Variants in FGD4 observed in about 807,000 individuals in gnomAD.
The protein encoded by FGD4 is FYVE, RhoGEF and PH domain-containing protein 4.
Under a neutral mutation model 102.0 loss-of-function variants are expected in FGD4, and 42 were observed. The ratio of observed to expected loss-of-function variants is 0.41; its 90% CI spans 0.32 to 0.53. FGD4 has a LOEUF of 0.53. FGD4 is among the 20% of genes least tolerant of loss of function. The probability of loss-of-function intolerance (pLI) is 0.21; values close to 1 mark genes in which losing one functional copy is unlikely to be tolerated. For synonymous variants in FGD4, 380 were observed against 375.7 expected (o/e 1.01, Z -0.13); for missense variants, 902 against 1,078.2 (o/e 0.84, Z 2.29).
At position 32,591,248 on chromosome 12, in the gene FGD4, A is replaced by G. The variant is rs573822581; in HGVS notation, c.1012-7249A>G. Among the ~76,000 whole-genome samples, 6 of 152,258 alleles carry G rather than the reference A, an allele frequency of 3.9e-5. No individual in the cohort carries two copies. The East Asian group carries it at 7.7e-4, about 20-fold the overall frequency. On this transcript the variant is annotated intron_variant, in intron 4 of 16. Coordinates refer to ENST00000534526, the MANE Select transcript of FGD4 (RefSeq NM_001370298.3). ...TAAGAAATATTCATTCATGTCCTAT[A>G]AAAACCTGATAATTTACTTAGGTCA...
intron 1 of FGD4, among the ~76,000 whole-genome samples, chr12:32,455,674 T>G (rs1462921594): frequency 6.6e-6 from 1 of 152,134 alleles, no homozygotes; most frequent in Admixed American, 6.6e-5. Flanking sequence ...TAAAGACTTT[T>G]TGTGAAATAG....
chr12:32,451,399 C>T (rs1942771130), intron 1 of FGD4, among the ~76,000 whole-genome samples: 1 of 152,064 alleles, frequency 6.6e-6, no homozygotes, highest in Admixed American at 6.6e-5. Flanking sequence ...TTAAAAGTCC[C>T]ATGTGTCTGC....
chr12:32,524,493 T>C (rs1278107787), intron 1 of FGD4, among the ~76,000 whole-genome samples: 1 of 147,924 alleles, frequency 6.8e-6, no homozygotes, highest in Non-Finnish European at 1.5e-5. Flanking sequence ...ATTTGTGATA[T>C]GAACTCCTTT....
At chr12:32,599,936 C>CCATGTTAGAGT (rs1275630983) in intron 5 of FGD4, among the ~76,000 whole-genome samples, 1 of 152,072 alleles carries the variant, frequency 6.6e-6, no homozygotes, top group Non-Finnish European at 1.5e-5. Flanking sequence ...GGGAAAGCTG[C>CCATGTTAGAGT]CATGTTAGAG....
chr12:32,610,659 C>G (rs955796615), intron 8 of FGD4, 117 bp from the exon 9 acceptor site: 2 of 852,282 alleles, frequency 2.3e-6, no homozygotes, highest in African/African-American at 3.4e-5. Flanking sequence ...ATGGAAAATG[C>G]CACTATTTTT....
At chr12:32,636,221 C>G (rs1488556525) in intron 15 of FGD4, among the ~76,000 whole-genome samples, 1 of 152,088 alleles carries the variant, frequency 6.6e-6, no homozygotes, top group Non-Finnish European at 1.5e-5. Flanking sequence ...GAGTTATCGT[C>G]TGCTAACCAG....
intron 1 of FGD4, among the ~76,000 whole-genome samples, chr12:32,422,544 C>T (rs193014478): frequency 1.3e-5 from 2 of 151,328 alleles, no homozygotes; most frequent in East Asian, 2.0e-4. Flanking sequence ...GTGATCCACC[C>T]GCCTCAGCCT....
intron 1 of FGD4, among the ~76,000 whole-genome samples, chr12:32,438,053 G>C (rs1357803719): frequency 6.6e-6 from 1 of 152,140 alleles, no homozygotes; most frequent in Non-Finnish European, 1.5e-5. Context: ...CATCATGTCC[G>C]GGTAATTTCT....
At chr12:32,602,469 T>C in intron 7 of FGD4, 152 bp downstream of exon 7, 1 of 827,468 alleles carries the variant, frequency 1.2e-6, no homozygotes, top group Non-Finnish European at 2.0e-6. Flanking sequence ...TCTGCAATGC[T>C]GAAATACGTA....
chr12:32,525,559 T>C (rs1941055745), intron 1 of FGD4, among the ~76,000 whole-genome samples: 1 of 152,232 alleles, frequency 6.6e-6, no homozygotes, highest in Admixed American at 6.5e-5. Context: ...CTGCCTGGGC[T>C]CCCACTTTGG....
intron 15 of FGD4, among the ~76,000 whole-genome samples, chr12:32,634,281 G>A (rs1950664989): frequency 6.6e-6 from 1 of 151,908 alleles, no homozygotes; most frequent in East Asian, 1.9e-4. Flanking sequence ...TTCTATAAAG[G>A]AAAGCTTTTA....
intron 4 of FGD4, among the ~76,000 whole-genome samples, chr12:32,596,796 G>A (rs1203360518): frequency 6.6e-6 from 1 of 151,816 alleles, no homozygotes; most frequent in Non-Finnish European, 1.5e-5. Context: ...TTAGCCGGCC[G>A]TCGTGGTGCA....
chr12:32,413,069 T>A (rs923307625), intron 1 of FGD4, among the ~76,000 whole-genome samples: 8 of 151,306 alleles, frequency 5.3e-5, no homozygotes, highest in African/African-American at 1.9e-4. Context: ...AGAGTAAGAC[T>A]CTGTCTCCAA....
chr12:32,576,257 T>G lies in FGD4; in HGVS notation c.320-9T>G. 5 of 1,572,558 alleles carry G rather than the reference T, an allele frequency of 3.2e-6. No homozygotes were observed. The highest frequency in any genetic ancestry group is 4.3e-6 in the Non-Finnish European group (5 of 1,156,884). ...CAGTGAAATACTATATTCTATTCTT[T>G]TTCTACAGTGCCTCCAAAGCCATTA... is the stretch of plus-strand genomic sequence containing the variant. On this transcript the variant is annotated splice_polypyrimidine_tract_variant and intron_variant, in intron 2 of 16. Transcript: ENST00000534526.
chr12:32,412,816 G>A (rs868313335), intron 1 of FGD4, among the ~76,000 whole-genome samples: 50 of 151,456 alleles, frequency 3.3e-4, no homozygotes, highest in African/African-American at 1.2e-3. Context: ...TCTAGACCTC[G>A]TGATCTGCCT....
chr12:32,521,184 C>T (rs1487866976), intron 1 of FGD4, among the ~76,000 whole-genome samples: 3 of 151,746 alleles, frequency 2.0e-5, no homozygotes, highest in Non-Finnish European at 4.4e-5. Context: ...GTCAGGAGAT[C>T]GAGACCATCC....
At chr12:32,435,862 T>C (rs1334798969) in intron 1 of FGD4, among the ~76,000 whole-genome samples, 2 of 152,170 alleles carry the variant, frequency 1.3e-5, no homozygotes, top group African/African-American at 4.8e-5. Context: ...TTGCAGTGAG[T>C]GAGTGCCCAA....
intron 1 of FGD4, among the ~76,000 whole-genome samples, chr12:32,416,227 C>T (rs137859708): frequency 6.6e-6 from 1 of 152,156 alleles, no homozygotes; most frequent in African/African-American, 2.4e-5. Context: ...CTTGAACTCC[C>T]GTGCTCAAGC....
intron 1 of FGD4, among the ~76,000 whole-genome samples, chr12:32,509,397 G>A (rs1260653826): frequency 6.6e-6 from 1 of 151,976 alleles, no homozygotes; most frequent in Non-Finnish European, 1.5e-5. Context: ...AAGTCCTCAG[G>A]TGGTTAGTCA....
Sources: gnomAD v4.1 joint callset for allele counts (sites outside exome capture counted in the v4.1 genomes callset) on GRCh38, gnomAD v4.1.1 for gene constraint, MANE v1.5 for transcripts, NCBI Gene and HGNC (gene_info 2026-07-23, HGNC 2026-07-21) for gene names.